The following EXD2 variants were observed in gnomAD, a reference collection of about 807,000 sequenced individuals.
EXD2 encodes exonuclease 3'-5' domain containing 2, also known as exonuclease 3'-5' domain-containing protein 2.
EXD2 carries 40 observed loss-of-function variants against 62.5 expected under a neutral mutation model. That is an observed-to-expected ratio of 0.64 (90% CI 0.50 to 0.83). EXD2 has a LOEUF of 0.83. Ranked by LOEUF, EXD2 falls within the 40% of genes least tolerant of loss-of-function variation. EXD2 has a pLI of 0.00. For missense variants in EXD2, 671 were observed against 761.8 expected (o/e 0.88, Z 1.40); for synonymous variants, 239 against 291.9 (o/e 0.82, Z 1.85).
chr14:69,224,746 C>T (rs1045561974), intron 3 of EXD2, among the ~76,000 whole-genome samples: 1 of 151,990 alleles, frequency 6.6e-6, no homozygotes, highest in Admixed American at 6.6e-5. Flanking sequence ...GTTGGGAGGC[C>T]GAGGCGGGTG....
chr14:69,194,496 CT>C (rs113209473), intron 1 of EXD2, among the ~76,000 whole-genome samples: 31,854 of 151,662 alleles, frequency 0.21, 3,523 homozygotes, highest in South Asian at 0.27. Context: ...GTACTAATTT[CT>C]TTTTTTTCTT....
intron 3 of EXD2, among the ~76,000 whole-genome samples, chr14:69,210,547 A>G (rs2042772041): frequency 6.6e-6 from 1 of 152,092 alleles, no homozygotes; most frequent in Non-Finnish European, 1.5e-5. Flanking sequence ...GTGGCTCATG[A>G]CTGTAATCCC....
rs149845460 is a variant in EXD2 at position 69,217,714 on chromosome 14, A to G, written c.333+7911A>G. 4.2e-3 allele frequency among the ~76,000 whole-genome samples: 633 copies of G among 151,672 alleles called. 4 individuals carry two copies. The highest frequency in any genetic ancestry group is 8.5e-3 in the Admixed American group (129 of 15,214). On this transcript the variant is annotated intron_variant, in intron 3 of 9. Coordinates refer to ENST00000685843, the MANE Select transcript of EXD2 (RefSeq NM_001193360.2). ...CTCCCCCCACTCCATGACAGGCCCCAGTGTGTGATGTTCCCCTTCCTGTGA... is the reference window on the plus strand; with the variant it reads ...CTCCCCCCACTCCATGACAGGCCCCGGTGTGTGATGTTCCCCTTCCTGTGA...
intron 1 of EXD2, among the ~76,000 whole-genome samples, chr14:69,197,430 T>A (rs1374013786): frequency 1.8e-4 from 28 of 152,212 alleles, no homozygotes; most frequent in Non-Finnish European, 1.2e-4. Flanking sequence ...TCTTTTTTTT[T>A]TATAATTTCA....
At chr14:69,215,298 A>ATATGTGTGTG (rs151123113) in intron 3 of EXD2, among the ~76,000 whole-genome samples, 5 of 102,094 alleles carry the variant, frequency 4.9e-5, no homozygotes, top group African/African-American at 1.3e-4. Flanking sequence ...TCAAAAATAT[A>ATATGTGTGTG]TGTGTGTGTG....
Position 69,228,798 on chromosome 14 carries a change from T to G in EXD2, c.334-18T>G. On this transcript the variant is annotated intron_variant, in intron 3 of 9. Transcript: ENST00000685843. ...TGTGCTCAGGTGTGAACCACAACCT[T>G]GTCTTCCTCTGTTGCAGGTAAATTT... is the stretch of plus-strand genomic sequence containing the variant. The G allele has an allele frequency of 6.2e-7, 1 of 1,601,350 alleles. No individual in the cohort carries two copies. The highest frequency in any genetic ancestry group is 8.5e-7 in the Non-Finnish European group (1 of 1,173,542).
chr14:69,240,228 C>T (rs1168005254), intron 9 of EXD2, among the ~76,000 whole-genome samples: 1 of 151,998 alleles, frequency 6.6e-6, no homozygotes, highest in Non-Finnish European at 1.5e-5. Context: ...GGTGAAAGCA[C>T]CATTCACACA....
chr14:69,212,909 C>T (rs1789434705), intron 3 of EXD2, among the ~76,000 whole-genome samples: 1 of 151,176 alleles, frequency 6.6e-6, no homozygotes, highest in South Asian at 2.1e-4. Flanking sequence ...CGGGGTTTTG[C>T]GGTGTGGTCC....
At chr14:69,212,559 C>G (rs2140244953) in intron 3 of EXD2, among the ~76,000 whole-genome samples, 1 of 151,368 alleles carries the variant, frequency 6.6e-6, no homozygotes, top group African/African-American at 2.4e-5. Context: ...CTCTGTTTCC[C>G]AGGCTGGAAT....
At chr14:69,209,098 ATTG>A (rs2042716445) in intron 2 of EXD2, 1 of 157,076 alleles carries the variant, frequency 6.4e-6, no homozygotes, top group Non-Finnish European at 1.4e-5. Context: ...AGTCTAGCTT[ATTG>A]TTTTTTTTTC....
At position 69,199,600 on chromosome 14, in the gene EXD2, T is replaced by A. The variant is rs530953834; in HGVS notation, c.-131-4317T>A. Among the ~76,000 whole-genome samples, 21 of 96,808 alleles carry A rather than the reference T, an allele frequency of 2.2e-4. 1 individual carries two copies. In the South Asian group the frequency reaches 3.9e-3, roughly 18 times the overall value. The allele number at this position is 96,808 out of a possible 152,430, so 63.5% of individuals were successfully genotyped here. ...TTTATAAGCTCTTTTCAACTTAAAATTTTTTTTTTTTTACCTTTTTAAACT... is the reference window on the plus strand; with the variant it reads ...TTTATAAGCTCTTTTCAACTTAAAAATTTTTTTTTTTTACCTTTTTAAACT... On this transcript the variant is annotated intron_variant, in intron 1 of 9. Coordinates refer to ENST00000685843, the MANE Select transcript of EXD2 (RefSeq NM_001193360.2).
chr14:69,239,763 G>A (rs1008203864), intron 9 of EXD2, among the ~76,000 whole-genome samples: 1 of 152,100 alleles, frequency 6.6e-6, no homozygotes, highest in African/African-American at 2.4e-5. Context: ...CACCACACAC[G>A]GCTAATTTTT....
At chr14:69,211,949 A>C (rs115644782) in intron 3 of EXD2, among the ~76,000 whole-genome samples, 2,182 of 152,328 alleles carry the variant, frequency 0.014, 46 homozygotes, top group African/African-American at 0.048. Flanking sequence ...TATTAAACTC[A>C]GGTTGGATTC....
chr14:69,229,528 T>C (rs1159498041), intron 4 of EXD2, among the ~76,000 whole-genome samples: 1 of 152,192 alleles, frequency 6.6e-6, no homozygotes, highest in Non-Finnish European at 1.5e-5. Flanking sequence ...TAGATGAGCG[T>C]GCTCTGTTCA....
intron 9 of EXD2, among the ~76,000 whole-genome samples, chr14:69,238,195 T>A (rs1283254956): frequency 6.6e-6 from 1 of 152,234 alleles, no homozygotes; most frequent in Non-Finnish European, 1.5e-5. Flanking sequence ...CGGTCATTTT[T>A]GTGATTAGCG....
At chr14:69,196,021 C>T (rs1428399656) in intron 1 of EXD2, 1 of 152,204 alleles carries the variant, frequency 6.6e-6, no homozygotes, top group Admixed American at 6.5e-5. Flanking sequence ...TTCCTGAAGG[C>T]TCTAGGGGAG....
chr14:69,194,730 C>A (rs1421259715), intron 1 of EXD2, among the ~76,000 whole-genome samples: 1 of 152,102 alleles, frequency 6.6e-6, no homozygotes, highest in Non-Finnish European at 1.5e-5. Flanking sequence ...TGGACCAATA[C>A]CACAACATCC....
intron 3 of EXD2, among the ~76,000 whole-genome samples, chr14:69,220,253 G>GTT (rs869194045): frequency 0.011 from 391 of 35,108 alleles, 117 homozygotes; most frequent in African/African-American, 0.015. Flanking sequence ...TTGTCTCTCT[G>GTT]TTTTTTTTTT....
At chr14:69,195,659 T>TTAGA (rs1182471060) in intron 1 of EXD2, among the ~76,000 whole-genome samples, 2 of 152,132 alleles carry the variant, frequency 1.3e-5, no homozygotes, top group Non-Finnish European at 2.9e-5. Context: ...CCCATACCAA[T>TTAGA]TAGAAGTCAG....
Sources: gnomAD v4.1 joint callset for allele counts (sites outside exome capture counted in the v4.1 genomes callset) on GRCh38, gnomAD v4.1.1 for gene constraint, MANE v1.5 for transcripts, NCBI Gene and HGNC (gene_info 2026-07-23, HGNC 2026-07-21) for gene names.